The following CTNNA3 variants were observed in gnomAD, a reference collection of about 807,000 sequenced individuals.
CTNNA3 encodes catenin alpha-3.
CTNNA3 carries 76 observed loss-of-function variants against 95.7 expected under a neutral mutation model. That is an observed-to-expected ratio of 0.79 (90% CI 0.66 to 0.96). The LOEUF (loss-of-function observed/expected upper bound fraction) is 0.96. Among genes scored for constraint, CTNNA3 ranks in the 40% least tolerant of loss-of-function variants. CTNNA3 has a pLI of 0.00. For synonymous variants in CTNNA3, 431 were observed against 374.4 expected, an observed-to-expected ratio of 1.15 and a Z score of -1.74; for missense variants, 1,191 against 1,089.8, an observed-to-expected ratio of 1.09 and a Z score of -1.31.
chr10:66,795,697 CG>C (rs1179006349), intron 7 of CTNNA3, among the ~76,000 whole-genome samples: 1 of 152,118 alleles, frequency 6.6e-6, no homozygotes, highest in Non-Finnish European at 1.5e-5. Context: ...TCCTAGAAGG[CG>C]TCTTCTTCCA....
chr10:67,442,783 C>T (rs1390841190), intron 5 of CTNNA3, among the ~76,000 whole-genome samples: 2 of 151,396 alleles, frequency 1.3e-5, no homozygotes, highest in Non-Finnish European at 3.0e-5. Context: ...ACTTTAACAC[C>T]CTACTTTCTT....
At position 66,597,712 on chromosome 10, in the gene CTNNA3, G is replaced by A. The variant is rs192491376; in HGVS notation, c.1374+23980C>T. On this transcript the variant is annotated intron_variant, in intron 10 of 17. Coordinates refer to ENST00000433211, the MANE Select transcript of CTNNA3 (RefSeq NM_013266.4). ...AAAACTTGCAGGCACAGGAGAGTGC[G>A]GATGATATACTCCAGGTACTGAAAG... Among the ~76,000 whole-genome samples the A allele has an allele frequency of 1.8e-3, 272 of 150,824 alleles. 2 individuals are homozygous for A. Among genetic ancestry groups the A allele is most frequent in the African/African-American group, 6.0e-3 (245 of 41,134 alleles).
At chr10:66,172,985 G>A (rs1355678577) in intron 13 of CTNNA3, among the ~76,000 whole-genome samples, 2 of 152,142 alleles carry the variant, frequency 1.3e-5, no homozygotes, top group East Asian at 3.9e-4. Flanking sequence ...GACAGTAAAA[G>A]CATACACTGA....
chr10:66,545,868 T>G (rs2132091003), intron 10 of CTNNA3, among the ~76,000 whole-genome samples: 1 of 151,736 alleles, frequency 6.6e-6, no homozygotes, highest in East Asian at 1.9e-4. Context: ...GTGGTTAGCT[T>G]CTGTCTTTGT....
intron 12 of CTNNA3, among the ~76,000 whole-genome samples, chr10:66,320,549 T>C (rs2092167310): frequency 6.6e-6 from 1 of 152,132 alleles, no homozygotes; most frequent in South Asian, 2.1e-4. Context: ...GGCCACTTGC[T>C]GCCCTGAGGA....
At chr10:67,726,669 T>TAA (rs1564841411) in intron 1 of CTNNA3, among the ~76,000 whole-genome samples, 4 of 1,060 alleles carry the variant, frequency 3.8e-3, no homozygotes, top group South Asian at 0.062. Flanking sequence ...ATATATTATA[T>TAA]TAATTATATA....
chr10:67,167,507 T>C (rs573209386), intron 7 of CTNNA3, among the ~76,000 whole-genome samples: 1 of 152,344 alleles, frequency 6.6e-6, no homozygotes, highest in South Asian at 2.1e-4. Context: ...TTCTGCCATA[T>C]TTAGTTGGTC....
rs10586644 is a variant in CTNNA3, at chr10:67,017,725, C to CTGTGTG, written c.1047+162586_1047+162591dup. On this transcript the variant is annotated intron_variant, in intron 7 of 17. Transcript: ENST00000433211. ...CAAAATGTGATGTCACAAAAATCAT[C>CTGTGTG]TGTGTGTGTGTGTGTGTGTGTGTGT... Among the ~76,000 whole-genome samples the CTGTGTG allele has an allele frequency of 6.0e-3, 891 of 147,976 alleles. 13 individuals carry two copies. The highest frequency in any genetic ancestry group is 0.02 in the African/African-American group (798 of 40,308).
chr10:66,911,854 A>G (rs1434378392), intron 7 of CTNNA3, among the ~76,000 whole-genome samples: 2 of 152,312 alleles, frequency 1.3e-5, no homozygotes, highest in East Asian at 3.9e-4. Flanking sequence ...AACTACCCAC[A>G]GAAAATATAT....
chr10:66,066,444 A>G (rs1014851455), intron 15 of CTNNA3, among the ~76,000 whole-genome samples: 3 of 152,150 alleles, frequency 2.0e-5, no homozygotes, highest in Admixed American at 1.3e-4. Context: ...ACAGAGACAG[A>G]GAGAAAGAGA....
At position 66,360,715 on chromosome 10, in the gene CTNNA3, CCTTT is replaced by C. The variant is rs1194831248; in HGVS notation, c.1732+18433_1732+18436del. Among the ~76,000 whole-genome samples, 10 of 59,378 alleles carry C rather than the reference CCTTT, an allele frequency of 1.7e-4. 2 individuals are homozygous for C. The highest frequency in any genetic ancestry group is 8.8e-4 in the South Asian group (1 of 1,136). The allele number at this position is 59,378 out of a possible 152,430, so 39.0% of individuals were successfully genotyped here. ...CCTTTTCTTTCTTTCTTTCCTCCTT[CCTTT>C]CTTCCTTTCTTTCTTTCTTTCTTTC... On this transcript the variant is annotated intron_variant, in intron 12 of 17. Transcript: ENST00000433211.
chr10:66,206,096 T>C (rs911132844), intron 13 of CTNNA3, among the ~76,000 whole-genome samples: 5 of 151,906 alleles, frequency 3.3e-5, no homozygotes, highest in Non-Finnish European at 7.4e-5. Flanking sequence ...TACTTAGAAG[T>C]GAGAAGTGAG....
At chr10:66,825,397 T>C (rs1842471394) in intron 7 of CTNNA3, among the ~76,000 whole-genome samples, 1 of 151,512 alleles carries the variant, frequency 6.6e-6, no homozygotes, top group Non-Finnish European at 1.5e-5. Flanking sequence ...TGCCTCAGCC[T>C]CCCAAGTAGC....
intron 9 of CTNNA3, among the ~76,000 whole-genome samples, chr10:66,706,910 C>T (rs561934489): frequency 1.3e-5 from 2 of 151,864 alleles, no homozygotes; most frequent in African/African-American, 4.8e-5. Context: ...GAAGGAGAAC[C>T]AAGACTGAAA....
intron 9 of CTNNA3, among the ~76,000 whole-genome samples, chr10:66,652,768 G>A (rs1050426173): frequency 2.0e-5 from 3 of 152,006 alleles, no homozygotes; most frequent in African/African-American, 7.2e-5. Context: ...AAATTCATCA[G>A]TATATTTAAA....
chr10:66,339,517 C>T (rs2092431310), intron 12 of CTNNA3, among the ~76,000 whole-genome samples: 1 of 151,582 alleles, frequency 6.6e-6, no homozygotes, highest in Non-Finnish European at 1.5e-5. Context: ...CAATTATAAG[C>T]TAAAATAAAA....
At chr10:66,324,870 CT>C (rs2092235056) in intron 12 of CTNNA3, among the ~76,000 whole-genome samples, 1 of 129,966 alleles carries the variant, frequency 7.7e-6, no homozygotes, top group Non-Finnish European at 1.7e-5. Context: ...TGAAGATACC[CT>C]GTCATAATTT....
chr10:67,760,645 GT>G (rs66475370), intron 1 of CTNNA3, among the ~76,000 whole-genome samples: 83,808 of 151,830 alleles, frequency 0.55, 26,859 homozygotes, highest in Middle Eastern at 0.73. Context: ...GGGTGAGAGA[GT>G]AAAGCTTCAT....
intron 12 of CTNNA3, among the ~76,000 whole-genome samples, chr10:66,314,207 A>C (rs566631288): frequency 6.6e-6 from 1 of 152,222 alleles, no homozygotes; most frequent in Non-Finnish European, 1.5e-5. Context: ...TGGCCCAGGG[A>C]CAGCATTGAG....
Sources: allele counts gnomAD v4.1 joint callset (sites outside exome capture counted in the v4.1 genomes callset), GRCh38; gene constraint gnomAD v4.1.1; transcripts MANE v1.5; gene names NCBI Gene and HGNC (gene_info 2026-07-23, HGNC 2026-07-21).